Variants in ASTN2 observed in about 807,000 individuals in gnomAD.
ASTN2 encodes astrotactin-2.
ASTN2 carries 54 observed loss-of-function variants against 139.8 expected under a neutral mutation model. That is an observed-to-expected ratio of 0.39 (90% CI 0.31 to 0.48). ASTN2 has a LOEUF of 0.48. Ranked by LOEUF, ASTN2 falls within the 20% of genes least tolerant of loss-of-function variation. ASTN2 has a pLI of 0.95. For missense variants in ASTN2, 1,565 were observed against 1,725.1 expected, an observed-to-expected ratio of 0.91 and a Z score of 1.64; for synonymous variants, 756 against 719.5, an observed-to-expected ratio of 1.05 and a Z score of -0.81.
chr9:116,701,944 A>G (rs1040843160), intron 16 of ASTN2, among the ~76,000 whole-genome samples: 36 of 143,664 alleles, frequency 2.5e-4, no homozygotes, highest in Middle Eastern at 8.0e-3. Context: ...AAAGTCTTAT[A>G]TGGAAGTCTA....
In ASTN2 at chr9:117,255,671, T is replaced by C. The variant is rs534260239; in HGVS notation, c.630+35655A>G. 5.3e-5 allele frequency among the ~76,000 whole-genome samples: 8 copies of C among 152,112 alleles called. No homozygotes were observed. The South Asian group carries it at 1.5e-3, about 28-fold the overall frequency. ...GTGTGAGAAAAGTACAGAAAGAAGA[T>C]TGAGGATGAAACAAATGCCGGGAGA... On this transcript the variant is annotated intron_variant, in intron 2 of 22. Transcript: ENST00000313400.
intron 3 of ASTN2, among the ~76,000 whole-genome samples, chr9:117,149,427 G>A (rs750644092): frequency 6.6e-6 from 1 of 152,096 alleles, no homozygotes; most frequent in Non-Finnish European, 1.5e-5. Context: ...GTGTGTGTGT[G>A]TGTGTTTGTG....
intron 1 of ASTN2, among the ~76,000 whole-genome samples, chr9:117,329,138 C>T (rs997923256): frequency 6.7e-6 from 1 of 149,714 alleles, no homozygotes; most frequent in Non-Finnish European, 1.5e-5. Flanking sequence ...GCTGTTGCAC[C>T]TTCTTCCAGG....
chr9:116,518,440 T>C (rs1481758588), intron 19 of ASTN2, among the ~76,000 whole-genome samples: 1 of 152,124 alleles, frequency 6.6e-6, no homozygotes, highest in Non-Finnish European at 1.5e-5. Flanking sequence ...ATACAGTCTT[T>C]TCTAGACAAA....
Position 117,032,085 on chromosome 9 carries a change from C to G in ASTN2, c.1423+7734G>C, listed in dbSNP as rs540652469. Among the ~76,000 whole-genome samples the G allele has an allele frequency of 2.6e-5, 4 of 151,764 alleles. No individual in the cohort carries two copies. In the South Asian group the frequency reaches 8.3e-4, roughly 31 times the overall value. ...GACACATATGTAACAGTAACAGTAA[C>G]AGTAATAGGAGTTAGACTGAAGTCA... On this transcript the variant is annotated intron_variant, in intron 6 of 22. Coordinates refer to ENST00000313400, the MANE Select transcript of ASTN2 (RefSeq NM_001365068.1).
At chr9:117,179,935 C>T (rs1281227615) in intron 3 of ASTN2, among the ~76,000 whole-genome samples, 1 of 152,200 alleles carries the variant, frequency 6.6e-6, no homozygotes, top group Non-Finnish European at 1.5e-5. Context: ...GATGATGCTT[C>T]TGAGATCATT....
chr9:116,776,360 C>T (rs1246862965), intron 13 of ASTN2, among the ~76,000 whole-genome samples: 1 of 152,016 alleles, frequency 6.6e-6, no homozygotes, highest in Non-Finnish European at 1.5e-5. Context: ...TTCAATAATC[C>T]CTTTTTAGGT....
intron 19 of ASTN2, among the ~76,000 whole-genome samples, chr9:116,566,619 A>G (rs1050979220): frequency 3.9e-5 from 6 of 152,202 alleles, no homozygotes; most frequent in African/African-American, 1.4e-4. Context: ...TTGATTCACC[A>G]TGCGGAAATC....
chr9:117,383,797 A>C (rs951203747), intron 1 of ASTN2, among the ~76,000 whole-genome samples: 1 of 152,198 alleles, frequency 6.6e-6, no homozygotes, highest in African/African-American at 2.4e-5. Context: ...TTGGAGATGC[A>C]GTCTGGGAGC....
intron 20 of ASTN2, among the ~76,000 whole-genome samples, chr9:116,478,549 A>G (rs13284925): frequency 0.15 from 23,432 of 152,062 alleles, 2,227 homozygotes; most frequent in Middle Eastern, 0.24. Context: ...GTGGCCTGAC[A>G]GGCCCACTGA....
At chr9:116,713,374 A>G (rs1828222469) in intron 16 of ASTN2, among the ~76,000 whole-genome samples, 1 of 152,116 alleles carries the variant, frequency 6.6e-6, no homozygotes, top group Non-Finnish European at 1.5e-5. Flanking sequence ...ACATCAGATG[A>G]AGACAACTAA....
chr9:117,212,031 A>T (rs1832150902), intron 3 of ASTN2, among the ~76,000 whole-genome samples: 1 of 152,212 alleles, frequency 6.6e-6, no homozygotes, highest in Non-Finnish European at 1.5e-5. Context: ...AAGTTACTGC[A>T]AAGTAAATGC....
chr9:117,174,328 A>T (rs538635947), intron 3 of ASTN2, among the ~76,000 whole-genome samples: 1 of 152,142 alleles, frequency 6.6e-6, no homozygotes, highest in South Asian at 2.1e-4. Context: ...AAAATAAGTG[A>T]GTCTCAGGAA....
intron 2 of ASTN2, among the ~76,000 whole-genome samples, chr9:117,226,432 T>G (rs1314323598): frequency 6.6e-6 from 1 of 152,198 alleles, no homozygotes; most frequent in Non-Finnish European, 1.5e-5. Flanking sequence ...TCCAACAGTG[T>G]CTAGAATACA....
chr9:116,844,304 G>T (rs908456652), intron 11 of ASTN2, among the ~76,000 whole-genome samples: 1 of 152,156 alleles, frequency 6.6e-6, no homozygotes, highest in Non-Finnish European at 1.5e-5. Flanking sequence ...GCTTTATTCT[G>T]CCAGGTGGGA....
intron 11 of ASTN2, among the ~76,000 whole-genome samples, chr9:116,828,354 T>C (rs1230123486): frequency 2.0e-5 from 3 of 149,120 alleles, no homozygotes; most frequent in East Asian, 3.9e-4. Context: ...ATCAGAAAGA[T>C]AGTACACCAT....
At chr9:117,081,073 T>C (rs180855790) in intron 5 of ASTN2, among the ~76,000 whole-genome samples, 6 of 152,292 alleles carry the variant, frequency 3.9e-5, no homozygotes, top group Admixed American at 3.3e-4. Flanking sequence ...TATGGCAAAT[T>C]TGCCCAATGG....
At chr9:116,791,018 A>G (rs1411667887) in intron 13 of ASTN2, among the ~76,000 whole-genome samples, 2 of 128,856 alleles carry the variant, frequency 1.6e-5, no homozygotes, top group East Asian at 1.0e-3. Context: ...AAAGAAAGAA[A>G]GAAAGAAAGA....
intron 16 of ASTN2, chr9:116,687,309 A>G: frequency 1.0e-6 from 1 of 983,672 alleles, no homozygotes. Flanking sequence ...AGGGGTGCTC[A>G]ACGGCGCGTG....
Sources: gnomAD v4.1 joint callset for allele counts (sites outside exome capture counted in the v4.1 genomes callset) on GRCh38, gnomAD v4.1.1 for gene constraint, MANE v1.5 for transcripts, NCBI Gene and HGNC (gene_info 2026-07-23, HGNC 2026-07-21) for gene names.